The following HOPX variants were observed in gnomAD, a reference collection of about 807,000 sequenced individuals.
HOPX encodes the protein HOP homeobox.
Under a neutral mutation model 11.8 loss-of-function variants are expected in HOPX, and 5 were observed. The observed-to-expected ratio is 0.43, with a 90% CI of 0.22 to 0.89. The LOEUF (loss-of-function observed/expected upper bound fraction) is 0.89, where lower values mean the gene tolerates loss of function less well. Ranked by LOEUF, HOPX falls within the 40% of genes least tolerant of loss-of-function variation. The pLI is 0.28. For synonymous variants in HOPX, 49 were observed against 49.7 expected (o/e 0.99, Z 0.06); for missense variants, 119 against 120.0 (o/e 0.99, Z 0.04).
chr4:56,656,406 C>T, intron 2 of HOPX: 1 of 993,796 alleles, frequency 1.0e-6, no homozygotes, highest in Non-Finnish European at 1.2e-6. Flanking sequence ...CCCTTAAAAA[C>T]TTCCTCCCGA....
chr4:56,659,429 C>T (rs1717971630), intron 1 of HOPX: 1 of 152,138 alleles, frequency 6.6e-6, no homozygotes, highest in African/African-American at 2.4e-5. Flanking sequence ...GTCACTTATT[C>T]AGTTACTCTG....
intron 1 of HOPX, chr4:56,662,779 C>A: frequency 6.6e-6 from 1 of 152,406 alleles, no homozygotes; most frequent in Non-Finnish European, 1.5e-5. Flanking sequence ...GCCTGGCCCC[C>A]AAATATATCT....
At chr4:56,656,492 C>A in intron 2 of HOPX, 1 of 868,774 alleles carries the variant, frequency 1.2e-6, no homozygotes, top group Non-Finnish European at 1.3e-6. Context: ...TAGCCGGCCT[C>A]CGGCCTCCCC....
chr4:56,664,980 A>G (rs6815465), intron 1 of HOPX: 20,542 of 152,202 alleles, frequency 0.13, 1,404 homozygotes, highest in East Asian at 0.18. Flanking sequence ...TTTTGGAGAC[A>G]GGGTCTTGCT....
At chr4:56,658,130 T>C (rs751908893) in intron 1 of HOPX, among the ~76,000 whole-genome samples, 4 of 152,238 alleles carry the variant, frequency 2.6e-5, no homozygotes, top group Non-Finnish European at 5.9e-5. Context: ...AACATAGTTG[T>C]GCCGGCTCTT....
intron 1 of HOPX, among the ~76,000 whole-genome samples, chr4:56,673,880 T>A (rs999345539): frequency 2.7e-5 from 4 of 149,048 alleles, no homozygotes; most frequent in African/African-American, 1.0e-4. Flanking sequence ...AATTTTTGGA[T>A]TTTTAGTAGA....
At position 56,655,977 on chromosome 4, in the gene HOPX, G is replaced by C; in HGVS notation, c.78C>G (p.Gly26=). 1 of 1,608,076 alleles carries C rather than the reference G, an allele frequency of 6.2e-7. No homozygotes were observed. The highest frequency in any genetic ancestry group is 8.5e-7 in the Non-Finnish European group (1 of 1,177,708). ...AGTMSAETAS[G]PTEDQVEILE... is the part of the protein sequence containing the mutation. Reference sequence around the variant, plus strand: ...GGATTTCCACCTGGTCCTCTGTGGGGCCGCTCGCGGTCTCCGCCGACATGG... The same window carrying C: ...GGATTTCCACCTGGTCCTCTGTGGGCCCGCTCGCGGTCTCCGCCGACATGG... Residue 26 remains glycine (G), a synonymous_variant, in exon 3 of 4, where the codon GGC becomes GGG. Transcript: ENST00000420433.
chr4:56,654,436 T>C (rs1356076283), intron 3 of HOPX, among the ~76,000 whole-genome samples: 1 of 152,176 alleles, frequency 6.6e-6, no homozygotes, highest in African/African-American at 2.4e-5. Context: ...ATAAGTTGTC[T>C]CCATGATCAC....
Position 56,655,872 on chromosome 4 carries a change from G to A in HOPX, c.183C>T (p.Ser61=). The A allele has an allele frequency of 1.2e-6, 2 of 1,611,528 alleles. No individual in the cohort carries two copies. Among genetic ancestry groups the A allele is most frequent in the Non-Finnish European group, 1.7e-6 (2 of 1,178,920 alleles). ...LCLIAAEAGL[S]EEETQKWFKQ... ...GGGGACGCACCTGGGTCTCCTCCTC[G>A]GAAAGGCCTGCCTCGGCCGCGATGA... Residue 61 remains serine (S), a synonymous_variant, in exon 3 of 4, where the codon TCC becomes TCT. Coordinates refer to ENST00000420433, the MANE Select transcript of HOPX (RefSeq NM_032495.6).
At position 56,650,866 on chromosome 4, in the gene HOPX, C is replaced by T. The variant is rs529247492; in HGVS notation, c.199-2069G>A. On this transcript the variant is annotated intron_variant, in intron 3 of 3. Coordinates refer to ENST00000420433, the MANE Select transcript of HOPX (RefSeq NM_032495.6). ...TTTGGCAGCTTCAATCGAAATTCTA[C>T]TGCTAAGGGTGGGCCCATTTTCTTC... 1.5e-5 allele frequency: 23 copies of T among 1,488,916 alleles called. No individual in the cohort carries two copies. The South Asian group carries it at 3.0e-4, about 20-fold the overall frequency. 92.2% of individuals were successfully genotyped at this position (1,488,916 alleles called of 1,614,324 possible).
chr4:56,678,695 C>T (rs1386094032), intron 1 of HOPX: 2 of 152,074 alleles, frequency 1.3e-5, no homozygotes, highest in African/African-American at 4.8e-5. Flanking sequence ...ATCCACCCGC[C>T]TCAGCCTCTC....
At chr4:56,677,368 A>G (rs1415950381) in intron 1 of HOPX, among the ~76,000 whole-genome samples, 2 of 151,654 alleles carry the variant, frequency 1.3e-5, no homozygotes, top group African/African-American at 4.9e-5. Context: ...AGGAGCACAT[A>G]TTTTGCATAA....
At chr4:56,655,749 A>G (rs4260599) in intron 3 of HOPX, 108 bp downstream of exon 3, 613,676 of 1,278,924 alleles carry the variant, frequency 0.48, 149,957 homozygotes, top group African/African-American at 0.66. Context: ...ATGGGAGATC[A>G]TGGGGAGGGC....
intron 1 of HOPX, chr4:56,663,946 A>G (rs970453018): frequency 1.3e-5 from 2 of 152,212 alleles, no homozygotes; most frequent in African/African-American, 4.8e-5. Context: ...TGTAGAAAAA[A>G]GTTCAAATAA....
At chr4:56,656,606 G>A (rs1344230168) in intron 2 of HOPX, 5 of 333,482 alleles carry the variant, frequency 1.5e-5, no homozygotes, top group Non-Finnish European at 2.1e-5. Flanking sequence ...CGCAAGACAA[G>A]TTACTTCTCA....
In HOPX at chr4:56,655,963, T is replaced by C. The variant is rs768330750; in HGVS notation, c.92A>G (p.Gln31Arg). 3 of 1,610,572 alleles carry C rather than the reference T, an allele frequency of 1.9e-6. No homozygotes were observed. Among genetic ancestry groups the C allele is most frequent in the Non-Finnish European group, 2.5e-6 (3 of 1,178,550 alleles). Residue 31 changes from glutamine (Q) to arginine (R), a missense_variant, in exon 3 of 4, where the codon CAG becomes CGG. Physicochemically the swap from Gln to Arg is conservative, Grantham distance 43. Coordinates refer to ENST00000420433, the MANE Select transcript of HOPX (RefSeq NM_032495.6). ...GAAGTTGTACTCCAGGATTTCCACC[T>C]GGTCCTCTGTGGGGCCGCTCGCGGT... is the stretch of plus-strand genomic sequence containing the variant. Reference protein sequence around the residue: ...AETASGPTEDQVEILEYNFNK... With the variant: ...AETASGPTEDRVEILEYNFNK...
chr4:56,656,283 A>T (rs986781072), intron 2 of HOPX: 2 of 1,156,094 alleles, frequency 1.7e-6, no homozygotes, highest in African/African-American at 3.2e-5. Flanking sequence ...GACCCCTTGC[A>T]GGAACTGTAT....
At chr4:56,678,819 A>T (rs1209277858) in intron 1 of HOPX, 1 of 150,954 alleles carries the variant, frequency 6.6e-6, no homozygotes, top group South Asian at 2.1e-4. Flanking sequence ...ATCTCCAGGG[A>T]CCCTCCCAGT....
At chr4:56,659,220 T>C (rs4865136) in intron 1 of HOPX, 25,123 of 152,084 alleles carry the variant, frequency 0.17, 3,332 homozygotes, top group African/African-American at 0.36. Flanking sequence ...AAACCCAGAG[T>C]CCTGTGGTGA....
Sources: allele counts gnomAD v4.1 joint callset (sites outside exome capture counted in the v4.1 genomes callset), GRCh38; gene constraint gnomAD v4.1.1; transcripts MANE v1.5; gene names NCBI Gene and HGNC (gene_info 2026-07-23, HGNC 2026-07-21).